GEMIN8: variants seen among roughly 807,000 people sequenced by gnomAD.
The protein encoded by GEMIN8 is gem-associated protein 8.
For synonymous variants in GEMIN8, 80 were observed against 78.5 expected, an observed-to-expected ratio of 1.02 and a Z score of -0.10; for missense variants, 185 against 205.9, an observed-to-expected ratio of 0.90 and a Z score of 0.62.
chrX:14,024,736 T>C (rs1420392625), intron 2 of GEMIN8, among the ~76,000 whole-genome samples: 2 of 111,668 alleles, frequency 1.8e-5, no homozygotes, highest in Admixed American at 1.9e-4. Flanking sequence ...AAGCCCAGAG[T>C]GCCCACTATC....
the GEMIN8 span, among the ~76,000 whole-genome samples, chrX:13,998,487 G>C: frequency 9.0e-6 from 1 of 110,905 alleles, no homozygotes; most frequent in Admixed American, 9.6e-5. Context: ...GTAAAGACAT[G>C]CTTGCTTCCC....
chrX:13,989,004 A>G, the GEMIN8 span, among the ~76,000 whole-genome samples: 1 of 110,045 alleles, frequency 9.1e-6, no homozygotes, highest in Non-Finnish European at 1.9e-5. Context: ...ACTGGGTTAT[A>G]GAACTTGAAT....
At chrX:14,027,468 C>T (rs1924756819) in intron 1 of GEMIN8, among the ~76,000 whole-genome samples, 1 of 112,787 alleles carries the variant, frequency 8.9e-6, no homozygotes, top group Non-Finnish European at 1.9e-5. Flanking sequence ...TTCAGAAAGC[C>T]TGCATCTCCC....
chrX:13,986,606 G>C, the GEMIN8 span, among the ~76,000 whole-genome samples: 1 of 112,272 alleles, frequency 8.9e-6, no homozygotes, highest in African/African-American at 3.2e-5. Context: ...CTGTGGAATG[G>C]GCATGCACCA....
Position 14,007,334 on chromosome X carries a change from C to T in GEMIN8, c.*1579G>A, listed in dbSNP as rs748016477. Among the ~76,000 whole-genome samples, 1 of 112,125 alleles carries T rather than the reference C, an allele frequency of 8.9e-6. No individual in the cohort carries two copies. Among genetic ancestry groups the T allele is most frequent in the East Asian group, 2.8e-4 (1 of 3,591 alleles). ...GGATGTGCTAATCTTCTCAGGTCAA[C>T]ATGGGCTCACCCTGGCAATGTACTG... On this transcript the variant is annotated 3_prime_UTR_variant, in exon 5 of 5. Transcript: ENST00000680255.
the GEMIN8 span, chrX:13,988,812 A>T: frequency 6.0e-5 from 6 of 100,287 alleles, no homozygotes; most frequent in African/African-American, 1.8e-4. Context: ...ATGTCAATAC[A>T]GGATTAAGAA....
chrX:13,994,276 T>C, the GEMIN8 span, among the ~76,000 whole-genome samples: 2 of 111,544 alleles, frequency 1.8e-5, no homozygotes, highest in Middle Eastern at 4.2e-3. Flanking sequence ...TGCCTTGCAC[T>C]GTTCTCTCTT....
At chrX:14,011,516 C>CTTTTTTTTTTTTT (rs575651297) in intron 4 of GEMIN8, among the ~76,000 whole-genome samples, 7 of 60,401 alleles carry the variant, frequency 1.2e-4, no homozygotes, top group African/African-American at 2.8e-4. Flanking sequence ...CTATGGCTCT[C>CTTTTTTTTTTTTT]TTTTTTTTTT....
At chrX:14,025,332 C>CT (rs950199573) in intron 2 of GEMIN8, among the ~76,000 whole-genome samples, 1 of 105,843 alleles carries the variant, frequency 9.4e-6, no homozygotes, top group African/African-American at 3.4e-5. Context: ...ACGTTCTTTG[C>CT]TTTAAAAAAA....
chrX:14,023,082 T>C (rs1924471870), intron 2 of GEMIN8, among the ~76,000 whole-genome samples: 1 of 112,469 alleles, frequency 8.9e-6, no homozygotes, highest in Admixed American at 9.4e-5. Flanking sequence ...TTCAATACTA[T>C]GCATACATGC....
chrX:14,009,253 G>A, intron 4 of GEMIN8, 84 bp from the exon 5 acceptor site: 1 of 978,633 alleles, frequency 1.0e-6, no homozygotes, highest in Non-Finnish European at 1.4e-6. Context: ...TGCTGCTGCT[G>A]GCCATGCCAT....
intron 4 of GEMIN8, among the ~76,000 whole-genome samples, chrX:14,019,033 T>C (rs766469853): frequency 8.9e-6 from 1 of 112,001 alleles, no homozygotes; most frequent in Non-Finnish European, 1.9e-5. Context: ...CTAAAGGATA[T>C]AATATTTTAT....
chrX:14,021,348 A>C (rs1458233247), intron 3 of GEMIN8, 116 bp downstream of exon 3: 2 of 444,436 alleles, frequency 4.5e-6, no homozygotes, highest in Non-Finnish European at 7.9e-6. Flanking sequence ...ATACATATGT[A>C]ACTAACCTGC....
intron 4 of GEMIN8, among the ~76,000 whole-genome samples, chrX:14,016,001 G>GTTCATC (rs1457638721): frequency 8.9e-6 from 1 of 111,821 alleles, no homozygotes; most frequent in Non-Finnish European, 1.9e-5. Flanking sequence ...AAGAACAGTT[G>GTTCATC]TTCATCCTGT....
intron 3 of GEMIN8, among the ~76,000 whole-genome samples, chrX:14,021,251 G>T (rs1156323347): frequency 5.3e-4 from 40 of 75,223 alleles, no homozygotes; most frequent in Non-Finnish European, 8.5e-4. Context: ...GTTGTGGGGT[G>T]GGGGGAGGGG....
At chrX:14,012,450 C>T (rs1923622545) in intron 4 of GEMIN8, among the ~76,000 whole-genome samples, 1 of 111,237 alleles carries the variant, frequency 9.0e-6, no homozygotes, top group East Asian at 2.8e-4. Context: ...AGACCCAACC[C>T]TTATCCCCTC....
At chrX:14,011,044 G>A (rs775141243) in intron 4 of GEMIN8, among the ~76,000 whole-genome samples, 10 of 111,954 alleles carry the variant, frequency 8.9e-5, no homozygotes, top group Non-Finnish European at 1.3e-4. Flanking sequence ...CTCGACAACC[G>A]CCATGACAGC....
the GEMIN8 span, among the ~76,000 whole-genome samples, chrX:14,000,797 A>G: frequency 4.6e-4 from 51 of 111,466 alleles, no homozygotes; most frequent in Non-Finnish European, 8.8e-4. Flanking sequence ...ATCTAACACC[A>G]TATTATTTAT....
At chrX:14,003,132 C>A (rs949430328), downstream of GEMIN8, among the ~76,000 whole-genome samples, 2 of 112,285 alleles carry the variant, frequency 1.8e-5, no homozygotes, top group South Asian at 7.4e-4. Flanking sequence ...TTAAAGAATG[C>A]AAATGCATTA....
Sources: allele counts gnomAD v4.1 joint callset (sites outside exome capture counted in the v4.1 genomes callset), GRCh38; gene constraint gnomAD v4.1.1; transcripts MANE v1.5; gene names NCBI Gene and HGNC (gene_info 2026-07-23, HGNC 2026-07-21).